Variants in ATM observed in about 807,000 individuals in gnomAD.
The protein encoded by ATM is serine-protein kinase ATM.
Under a neutral mutation model 387.0 loss-of-function variants are expected in ATM, and 308 were observed. The ratio of observed to expected loss-of-function variants is 0.80; its 90% CI spans 0.73 to 0.87. ATM has a LOEUF of 0.87. Ranked by LOEUF, ATM falls within the 40% of genes least tolerant of loss-of-function variation. The pLI, the probability that ATM is intolerant of heterozygous loss-of-function variation, is 0.00. For synonymous variants in ATM, 1,156 were observed against 1,187.3 expected, an observed-to-expected ratio of 0.97 and a Z score of 0.54; for missense variants, 3,312 against 3,560.9, an observed-to-expected ratio of 0.93 and a Z score of 1.78.
intron 51 of ATM, 111 bp downstream of exon 51, chr11:108,331,668 G>A (rs575796683): frequency 1.4e-6 from 2 of 1,392,880 alleles, no homozygotes; most frequent in South Asian, 1.4e-5. Context: ...ACAAAATTTT[G>A]TATTTTTTGT....
At chr11:108,267,402 A>C in intron 17 of ATM, 60 bp downstream of exon 17, 2 of 1,484,932 alleles carry the variant, frequency 1.3e-6, no homozygotes, top group Non-Finnish European at 1.9e-6. Flanking sequence ...TTGGCAGTAT[A>C]AGAGGCCTCA....
At position 108,368,525 on chromosome 11, in the gene ATM, T is replaced by C; in HGVS notation, c.*3017T>C. On this transcript the variant is annotated 3_prime_UTR_variant, in exon 63 of 63. Transcript: ENST00000675843. Reference sequence around the variant, plus strand: ...AGAAATCAGAATTTGGAGAAATAAGTTGTCCAAGGCAAGAAGATAGTAAAT... The same window carrying C: ...AGAAATCAGAATTTGGAGAAATAAGCTGTCCAAGGCAAGAAGATAGTAAAT... The C allele has an allele frequency of 4.6e-6, 1 of 217,102 alleles. No homozygotes were observed. The highest frequency in any genetic ancestry group is 6.9e-5 in the East Asian group (1 of 14,554). The allele number at this position is 217,102 out of a possible 1,614,324, so 13.4% of individuals were successfully genotyped here. A position where few individuals can be genotyped will look rare whatever the true frequency, so the allele number is the denominator to read the frequency against.
intron 31 of ATM, among the ~76,000 whole-genome samples, chr11:108,294,310 A>G (rs913592940): frequency 1.3e-5 from 2 of 152,228 alleles, no homozygotes; most frequent in African/African-American, 4.8e-5. Flanking sequence ...ATTTGACTCT[A>G]TGTAAATATA....
rs1060504283 is a variant in ATM at position 108,301,675 on chromosome 11, C to G, written c.5205C>G (p.Thr1735=). The G allele has an allele frequency of 1.2e-6, 2 of 1,613,598 alleles. No homozygotes were observed. The highest frequency in any genetic ancestry group is 8.5e-7 in the Non-Finnish European group (1 of 1,179,736). ...TCAAAGTTCGATCAGCAGCTGTTAC[C>G]TGTTTGAAAAACATTTTAGCCACAA... The part of the protein sequence containing the change: ...DCVKVRSAAV[T]CLKNILATKT... Residue 1735 remains threonine (T), a synonymous_variant, in exon 35 of 63, where the codon ACC becomes ACG. Transcript: ENST00000675843.
At chr11:108,288,885 A>C in intron 27 of ATM, 92 bp from the exon 28 acceptor site, 1 of 1,487,336 alleles carries the variant, frequency 6.7e-7, no homozygotes. Context: ...TTTGGGGGTT[A>C]TTAAAATCTA....
rs1320014489 is a variant in ATM at position 108,330,412 on chromosome 11, C to T, written c.7506C>T (p.Gly2502=). 1 of 1,614,060 alleles carries T rather than the reference C, an allele frequency of 6.2e-7. No individual in the cohort carries two copies. The highest frequency in any genetic ancestry group is 1.1e-5 in the South Asian group (1 of 91,068). ...LENSGVSEVN[G]MMKRDGMKIP... is the part of the protein sequence containing the mutation. ...ATTCTGGAGTTTCTGAAGTCAATGGCATGATGAAGGCAAGTGTTACTCAGC... is the reference window on the plus strand; with the variant it reads ...ATTCTGGAGTTTCTGAAGTCAATGGTATGATGAAGGCAAGTGTTACTCAGC... The change falls in exon 50 of 63, where the codon GGC becomes GGT. Residue 2502 remains glycine (G), a synonymous_variant. Coordinates refer to ENST00000675843, the MANE Select transcript of ATM (RefSeq NM_000051.4).
chr11:108,364,174 C>T (rs1363629892), intron 61 of ATM, among the ~76,000 whole-genome samples: 1 of 152,024 alleles, frequency 6.6e-6, no homozygotes, highest in Non-Finnish European at 1.5e-5. Context: ...TTTTATAGTC[C>T]CAACCTGCAG....
chr11:108,230,200 G>A (rs2078942339), intron 4 of ATM: 2 of 152,270 alleles, frequency 1.3e-5, no homozygotes, highest in African/African-American at 4.8e-5. Context: ...CAGATCACCT[G>A]AGGTCAGGAG....
At chr11:108,274,445 T>G (rs913528059) in intron 22 of ATM, among the ~76,000 whole-genome samples, 1 of 152,224 alleles carries the variant, frequency 6.6e-6, no homozygotes, top group African/African-American at 2.4e-5. Context: ...TCTCTAGTTC[T>G]TTTAATTGTG....
intron 5 of ATM, among the ~76,000 whole-genome samples, chr11:108,238,811 G>T (rs774909320): frequency 6.6e-6 from 1 of 151,664 alleles, no homozygotes; most frequent in Non-Finnish European, 1.5e-5. Flanking sequence ...GTGATTTATT[G>T]TGGTAAAATA....
At chr11:108,256,860 T>G (rs563853373) in intron 14 of ATM, among the ~76,000 whole-genome samples, 2 of 152,376 alleles carry the variant, frequency 1.3e-5, no homozygotes, top group East Asian at 3.8e-4. Context: ...TCCTTTTTTA[T>G]GGCTGCATAG....
chr11:108,321,167 TC>T, intron 44 of ATM, 133 bp from the exon 45 acceptor site: 2 of 1,173,044 alleles, frequency 1.7e-6, no homozygotes, highest in Admixed American at 4.6e-5. Flanking sequence ...TATTTTGTAT[TC>T]ACTGTTGCTT....
intron 40 of ATM, among the ~76,000 whole-genome samples, chr11:108,314,561 G>A (rs2084455023): frequency 6.6e-6 from 1 of 151,816 alleles, no homozygotes; most frequent in African/African-American, 2.4e-5. Context: ...TCCTCCTGTT[G>A]TCTAGGACCA....
chr11:108,327,769 T>C lies in ATM; in HGVS notation c.7089+11T>C. 6.3e-7 allele frequency: 1 copy of C among 1,589,490 alleles called. No individual in the cohort carries two copies. Among genetic ancestry groups the C allele is most frequent in the South Asian group, 1.1e-5 (1 of 90,436 alleles). The stretch of plus-strand genomic sequence containing the variant: ...ACCTATCTAGAAAAGGTAAGATTTT[T>C]GGAGCAACCCTTAAGATAGTTACTT... On this transcript the variant is annotated intron_variant, in intron 48 of 62. Transcript: ENST00000675843.
rs730881381 is a variant in ATM at position 108,319,980 on chromosome 11, A to G, written c.6374A>G (p.His2125Arg). ...VSKEVEGTSY[H>R]ESLYNALQSL... ...AAAGAAGTAGAAGGAACCAGTTACC[A>G]TGAATCATTGTACAATGCTCTACAA... Residue 2125 changes from histidine to arginine, a missense_variant, in exon 44 of 63, where the codon CAT (histidine) becomes CGT (arginine). Around this residue, in one of 4 missense-constraint regions of ATM, gnomAD observed 1,405 missense variants for 1,604.4 expected, o/e 0.88. Transcript: ENST00000675843. 6.2e-7 allele frequency: 1 copy of G among 1,612,572 alleles called. No homozygotes were observed.
Position 108,326,463 on chromosome 11 carries a change from T to G in ATM, c.6975+238T>G, listed in dbSNP as rs528091587. On this transcript the variant is annotated intron_variant, in intron 47 of 62. Coordinates refer to ENST00000675843, the MANE Select transcript of ATM (RefSeq NM_000051.4). ...CGATTCATTTAATATATCCCAGTAT[T>G]AAGCCTTTAACTTCCTATAGAATTC... Among the ~76,000 whole-genome samples the G allele has an allele frequency of 3.3e-5, 5 of 152,108 alleles. 1 individual carries two copies. In the South Asian group the frequency reaches 1.0e-3, roughly 32 times the overall value.
intron 16 of ATM, among the ~76,000 whole-genome samples, chr11:108,261,667 A>C (rs1477549568): frequency 6.6e-6 from 1 of 151,966 alleles, no homozygotes; most frequent in African/African-American, 2.4e-5. Flanking sequence ...AGAAGGCTTC[A>C]GACGATCAAA....
rs769214234 is a variant in ATM at position 108,250,738 on chromosome 11, G to A, written c.1273G>A (p.Ala425Thr). The A allele has an allele frequency of 1.2e-6, 2 of 1,604,614 alleles. No individual in the cohort carries two copies. Among genetic ancestry groups the A allele is most frequent in the Non-Finnish European group, 1.7e-6 (2 of 1,178,632 alleles). ...AACCCAATTAATATCAAAGTATCCTGCAAGTTTACCTAACTGTGAGCTGTC... is the reference window on the plus strand; with the variant it reads ...AACCCAATTAATATCAAAGTATCCTACAAGTTTACCTAACTGTGAGCTGTC... ...IATQLISKYP[A>T]SLPNCELSPL... Residue 425 changes from alanine to threonine, a missense_variant, in exon 10 of 63, where the codon GCA becomes ACA. Physicochemically the swap from Ala to Thr is moderately conservative, Grantham distance 58. This residue lies in a region of ATM where 1,791 missense variants were observed against 1,804.5 expected (regional missense o/e 0.99). Transcript: ENST00000675843.
intron 61 of ATM, among the ~76,000 whole-genome samples, chr11:108,357,331 C>T (rs1368638190): frequency 6.6e-6 from 1 of 152,204 alleles, no homozygotes; most frequent in African/African-American, 2.4e-5. Flanking sequence ...GCACAGCAGT[C>T]TGAGATCAAA....
Sources: gnomAD v4.1 joint callset for allele counts (sites outside exome capture counted in the v4.1 genomes callset) on GRCh38, gnomAD v4.1.1 for gene constraint, gnomAD v4.1.1 regional missense constraint, MANE v1.5 for transcripts, NCBI Gene and HGNC (gene_info 2026-07-23, HGNC 2026-07-21) for gene names.